SOS1: variants seen among roughly 807,000 people sequenced by gnomAD.
SOS1 encodes son of sevenless homolog 1.
A neutral mutation model predicts 157.6 loss-of-function variants in SOS1; 25 were observed. That is an observed-to-expected ratio of 0.16 (90% CI 0.12 to 0.22). The LOEUF (loss-of-function observed/expected upper bound fraction) is 0.22. Ranked by LOEUF, SOS1 falls within the 10% of genes least tolerant of loss-of-function variation. The probability of loss-of-function intolerance (pLI) is 1.00; values close to 1 mark genes in which losing one functional copy is unlikely to be tolerated. For synonymous variants in SOS1, 528 were observed against 534.0 expected (o/e 0.99, Z 0.16); for missense variants, 1,237 against 1,599.1 (o/e 0.77, Z 3.86).
chr2:39,075,073 T>C (rs976340975), intron 1 of SOS1, among the ~76,000 whole-genome samples: 7 of 152,086 alleles, frequency 4.6e-5, no homozygotes, highest in African/African-American at 1.7e-4. Context: ...ATTGGACTGT[T>C]TGCTGAAGTC....
intron 8 of SOS1, among the ~76,000 whole-genome samples, chr2:39,031,142 A>G (rs1222115317): frequency 6.6e-6 from 1 of 152,228 alleles, no homozygotes; most frequent in African/African-American, 2.4e-5. Flanking sequence ...ACTTCGTGGT[A>G]CTTTGCTGTG....
intron 2 of SOS1, among the ~76,000 whole-genome samples, chr2:39,066,878 C>T (rs1279273421): frequency 6.6e-6 from 1 of 152,164 alleles, no homozygotes; most frequent in Non-Finnish European, 1.5e-5. Flanking sequence ...ACATATGCCA[C>T]TCCTAAAGGT....
chr2:39,121,413 G>A (rs569488166), upstream of SOS1, among the ~76,000 whole-genome samples: 6 of 152,222 alleles, frequency 3.9e-5, no homozygotes, highest in Non-Finnish European at 8.8e-5. Flanking sequence ...ATAGTAAACA[G>A]ACTGGACAAA....
intron 19 of SOS1, 45 bp downstream of exon 19, chr2:38,996,877 C>T (rs529860814): frequency 1.9e-5 from 18 of 935,880 alleles, no homozygotes; most frequent in Non-Finnish European, 2.9e-5. Context: ...CTATATAACA[C>T]ATATGGTAGT....
intron 10 of SOS1, among the ~76,000 whole-genome samples, chr2:39,018,299 C>G (rs558245931): frequency 6.6e-6 from 1 of 151,706 alleles, no homozygotes; most frequent in Admixed American, 6.6e-5. Flanking sequence ...GGTCAACAAC[C>G]AAAACTTTTT....
intron 8 of SOS1, among the ~76,000 whole-genome samples, chr2:39,028,631 C>G (rs1670052924): frequency 6.6e-6 from 1 of 151,916 alleles, no homozygotes; most frequent in Non-Finnish European, 1.5e-5. Context: ...TAATAGGTAC[C>G]CAAATAACTG....
intron 1 of SOS1, among the ~76,000 whole-genome samples, chr2:39,069,877 T>G (rs1469239295): frequency 6.6e-6 from 1 of 152,212 alleles, no homozygotes; most frequent in Non-Finnish European, 1.5e-5. Flanking sequence ...AATTTAATTT[T>G]ACAGGTGAAG....
At chr2:39,046,193 T>C (rs1223904737) in intron 6 of SOS1, among the ~76,000 whole-genome samples, 2 of 152,166 alleles carry the variant, frequency 1.3e-5, no homozygotes, top group African/African-American at 4.8e-5. Context: ...AAAAAATTAC[T>C]ATAGTTCCTT....
At chr2:38,993,671 AT>A (rs950629862) in intron 20 of SOS1, 8 of 152,200 alleles carry the variant, frequency 5.3e-5, no homozygotes, top group Non-Finnish European at 8.8e-5. Flanking sequence ...CAGAAAAAGT[AT>A]TTTGTCTTAA....
intron 1 of SOS1, among the ~76,000 whole-genome samples, chr2:39,105,051 T>A (rs1206630372): frequency 6.6e-6 from 1 of 152,172 alleles, no homozygotes; most frequent in African/African-American, 2.4e-5. Flanking sequence ...AAGAAAAAGT[T>A]ATTAAATGTT....
intron 1 of SOS1, chr2:39,098,394 T>A: frequency 4.3e-6 from 1 of 234,466 alleles, no homozygotes. Context: ...ATTCCTTTCA[T>A]CAATACACGG....
chr2:39,110,253 T>C (rs976268317), intron 1 of SOS1, among the ~76,000 whole-genome samples: 5 of 152,134 alleles, frequency 3.3e-5, no homozygotes, highest in African/African-American at 9.7e-5. Flanking sequence ...AGATTACTAA[T>C]AATAACTAAT....
chr2:39,084,819 T>A (rs1016036267), intron 1 of SOS1, among the ~76,000 whole-genome samples: 5 of 152,164 alleles, frequency 3.3e-5, no homozygotes, highest in Non-Finnish European at 5.9e-5. Flanking sequence ...TAAACAACTT[T>A]TTAAAAATAT....
chr2:39,048,689 A>G (rs1670885211), intron 6 of SOS1, among the ~76,000 whole-genome samples: 1 of 152,130 alleles, frequency 6.6e-6, no homozygotes. Context: ...GGCATCAGCC[A>G]CTGGACCCAA....
chr2:39,005,764 A>C (rs1167869700), intron 17 of SOS1, among the ~76,000 whole-genome samples: 1 of 152,118 alleles, frequency 6.6e-6, no homozygotes, highest in Non-Finnish European at 1.5e-5. Context: ...GACTATAGAG[A>C]GATCATAATT....
intron 1 of SOS1, among the ~76,000 whole-genome samples, chr2:39,114,753 C>T (rs1446734052): frequency 1.3e-5 from 2 of 152,114 alleles, no homozygotes; most frequent in African/African-American, 2.4e-5. Context: ...TGCACCACCA[C>T]GTCAGGCTAA....
At chr2:39,004,394 A>G (rs1669216343) in intron 17 of SOS1, among the ~76,000 whole-genome samples, 1 of 140,962 alleles carries the variant, frequency 7.1e-6, no homozygotes, top group African/African-American at 2.7e-5. Flanking sequence ...GTGACAGAGC[A>G]AGACTCTGTG....
At chr2:39,103,070 T>G (rs923925468) in intron 1 of SOS1, among the ~76,000 whole-genome samples, 30 of 152,096 alleles carry the variant, frequency 2.0e-4, no homozygotes, top group African/African-American at 6.8e-4. Context: ...AAAAGAACAA[T>G]AACATCTAAA....
chr2:38,996,776 G>C (rs1172704830), intron 19 of SOS1, 146 bp downstream of exon 19: 1 of 562,790 alleles, frequency 1.8e-6, no homozygotes, highest in Non-Finnish European at 3.2e-6. Flanking sequence ...TTGGAAGGAA[G>C]TGGGATATTC....
Sources: gnomAD v4.1 joint callset for allele counts (sites outside exome capture counted in the v4.1 genomes callset) on GRCh38, gnomAD v4.1.1 for gene constraint, MANE v1.5 for transcripts, NCBI Gene and HGNC (gene_info 2026-07-23, HGNC 2026-07-21) for gene names.